The following TNIP1 variants were observed in gnomAD, a reference collection of about 807,000 sequenced individuals.
TNIP1 encodes the protein TNFAIP3-interacting protein 1.
Under a neutral mutation model 86.6 loss-of-function variants are expected in TNIP1, and 22 were observed. The ratio of observed to expected loss-of-function variants is 0.25; its 90% confidence interval spans 0.18 to 0.36. The LOEUF is 0.36. Ranked by LOEUF, TNIP1 falls within the 10% of genes least tolerant of loss-of-function variation. TNIP1 has a pLI of 1.00. For missense variants in TNIP1, 709 were observed against 820.6 expected, an observed-to-expected ratio of 0.86 and a Z score of 1.66; for synonymous variants, 294 against 313.0, an observed-to-expected ratio of 0.94 and a Z score of 0.64.
chr5:151,065,099 G>A lies in TNIP1; in HGVS notation c.-4C>T, dbSNP rs758965784. The A allele has an allele frequency of 6.2e-7, 1 of 1,612,330 alleles. No individual in the cohort carries two copies. Among genetic ancestry groups the A allele is most frequent in the Non-Finnish European group, 8.5e-7 (1 of 1,179,462 alleles). On this transcript the variant is annotated 5_prime_UTR_variant, in exon 2 of 18. Coordinates refer to ENST00000521591, the MANE Select transcript of TNIP1 (RefSeq NM_006058.5). The stretch of plus-strand genomic sequence containing the variant: ...GGTACGGTCCTCTCCCTTCCATGAG[G>A]GTAGCTCAGCCCCTGCCGTGGTGCC...
intron 17 of TNIP1, chr5:151,032,047 C>G: frequency 1.9e-6 from 1 of 530,882 alleles, no homozygotes; most frequent in South Asian, 2.5e-5. Context: ...TGCTTCTGTT[C>G]TCTAGGCATC....
At chr5:151,044,657 A>C (rs1758897982) in intron 9 of TNIP1, among the ~76,000 whole-genome samples, 1 of 152,210 alleles carries the variant, frequency 6.6e-6, no homozygotes, top group South Asian at 2.1e-4. Context: ...AGGGTTCTAG[A>C]GAAGCACCTG....
In TNIP1 at chr5:151,035,066, A is replaced by G. The variant is rs1305773500; in HGVS notation, c.1523T>C (p.Leu508Pro). ...CTTCTCCTCATCTTTGAATGCTTTT[A>G]GCTGAGAGAAGAAGGGAGGGAGAAA... The part of the protein sequence containing the change: ...QAQVTLSNAQ[L>P]KAFKDEEKAR... Residue 508 changes from leucine (L) to proline (P), a missense_variant and splice_region_variant, in exon 15 of 18, where the codon CTA becomes CCA. Transcript: ENST00000521591. 6.2e-7 allele frequency: 1 copy of G among 1,613,464 alleles called. No homozygotes were observed. The highest frequency in any genetic ancestry group is 1.1e-5 in the South Asian group (1 of 90,868).
intron 8 of TNIP1, among the ~76,000 whole-genome samples, chr5:151,048,931 T>C (rs1759534728): frequency 6.6e-6 from 1 of 152,204 alleles, no homozygotes; most frequent in African/African-American, 2.4e-5. Flanking sequence ...ATGATGTTAC[T>C]TGACCTCTCC....
Position 151,035,052 on chromosome 5 carries a change from C to A in TNIP1, c.1537G>T (p.Asp513Tyr). 1 of 1,613,958 alleles carries A rather than the reference C, an allele frequency of 6.2e-7. No individual in the cohort carries two copies. Among genetic ancestry groups the A allele is most frequent in the Non-Finnish European group, 8.5e-7 (1 of 1,179,952 alleles). Reference protein sequence around the residue: ...LSNAQLKAFKDEEKAREALRQ... With the variant: ...LSNAQLKAFKYEEKAREALRQ... ...AGGGCTTCTCTTGCCTTCTCCTCAT[C>A]TTTGAATGCTTTTAGCTGAGAGAAG... The change falls in exon 15 of 18, where the codon GAT (aspartate) becomes TAT (tyrosine). Residue 513 changes from aspartate (D) to tyrosine (Y), a missense_variant. Transcript: ENST00000521591.
At chr5:151,085,809 C>T (rs989329360), upstream of TNIP1, among the ~76,000 whole-genome samples, 1 of 152,242 alleles carries the variant, frequency 6.6e-6, no homozygotes, top group Non-Finnish European at 1.5e-5. Context: ...CCCAGCCCGG[C>T]CCAGCCTCTC....
At chr5:151,063,070 C>T (rs762842440) in intron 3 of TNIP1, among the ~76,000 whole-genome samples, 5 of 152,198 alleles carry the variant, frequency 3.3e-5, no homozygotes, top group Non-Finnish European at 5.9e-5. Flanking sequence ...ACTTCAACCC[C>T]GAGCCACAGT....
In TNIP1 at chr5:151,042,923, C is replaced by A. The variant is rs1231539829; in HGVS notation, c.975G>T (p.Arg325=). ...TCTGCTCATACTGCTGCTTCATGGA[C>A]CGGAAATGCTGGTCCCACTGCTTGT... is the stretch of plus-strand genomic sequence containing the variant. The part of the protein sequence containing the change: ...EVNKQWDQHF[R]SMKQQYEQKI... The change falls in exon 10 of 18, where the codon CGG becomes CGT. Residue 325 remains arginine (R), a synonymous_variant. Transcript: ENST00000521591. 6.2e-7 allele frequency: 1 copy of A among 1,614,180 alleles called. No homozygotes were observed. The highest frequency in any genetic ancestry group is 1.3e-5 in the African/African-American group (1 of 75,070).
rs1427165342 is a variant in TNIP1 at position 151,052,295 on chromosome 5, G to C, written c.628-36C>G. 3 of 1,585,762 alleles carry C rather than the reference G, an allele frequency of 1.9e-6. No individual in the cohort carries two copies. The African/African-American group carries it at 4.0e-5, about 21-fold the overall frequency. The stretch of plus-strand genomic sequence containing the variant: ...GGGGAACAGACAGGGTGAGGGAAAG[G>C]AGGGGCCCCTCCCAGGTGCAGGCTG... On this transcript the variant is annotated intron_variant, in intron 6 of 17. Coordinates refer to ENST00000521591, the MANE Select transcript of TNIP1 (RefSeq NM_006058.5).
chr5:151,055,065 T>C (rs1300926676), intron 6 of TNIP1, among the ~76,000 whole-genome samples: 4 of 152,162 alleles, frequency 2.6e-5, no homozygotes, highest in African/African-American at 9.7e-5. Flanking sequence ...TCACCTTCCA[T>C]CCAAGGTGCT....
At chr5:151,045,802 T>C (rs1759081144) in intron 9 of TNIP1, 59 bp downstream of exon 9, 6 of 1,568,918 alleles carry the variant, frequency 3.8e-6, no homozygotes, top group Non-Finnish European at 5.3e-6. Context: ...CAAGCCTTTG[T>C]GCTGCTGGTC....
intron 15 of TNIP1, chr5:151,034,503 G>A (rs564146397): frequency 4.6e-5 from 13 of 280,078 alleles, no homozygotes; most frequent in African/African-American, 2.0e-4. Flanking sequence ...ACATGGGCAC[G>A]GAAGGCTGGG....
At chr5:151,058,024 G>A (rs968136016) in intron 5 of TNIP1, among the ~76,000 whole-genome samples, 1 of 152,144 alleles carries the variant, frequency 6.6e-6, no homozygotes, top group African/African-American at 2.4e-5. Context: ...GGGTTCAAGC[G>A]ATTCTCCTGC....
At chr5:151,078,852 A>C (rs1763682985) in intron 1 of TNIP1, among the ~76,000 whole-genome samples, 1 of 152,202 alleles carries the variant, frequency 6.6e-6, no homozygotes, top group African/African-American at 2.4e-5. Context: ...AGTGGGTTGG[A>C]GAGAGAGGCA....
chr5:151,030,573 T>C lies in TNIP1; in HGVS notation c.*140A>G, dbSNP rs1355053778. The C allele has an allele frequency of 2.2e-6, 3 of 1,364,848 alleles. No homozygotes were observed. The highest frequency in any genetic ancestry group is 3.1e-6 in the Non-Finnish European group (3 of 977,352). The allele number at this position is 1,364,848 out of a possible 1,614,324, so 84.5% of individuals were successfully genotyped here. A position where few individuals can be genotyped will look rare whatever the true frequency, so the allele number is the denominator to read the frequency against. On this transcript the variant is annotated 3_prime_UTR_variant, in exon 18 of 18. Transcript: ENST00000521591. ...GTAAACAGCTCAGTTCAGGGACTGG[T>C]GTACAAGCTGGCCACCCATCTCAGC...
chr5:151,062,839 T>C (rs1288272787), intron 3 of TNIP1, among the ~76,000 whole-genome samples: 1 of 152,226 alleles, frequency 6.6e-6, no homozygotes, highest in African/African-American at 2.4e-5. Flanking sequence ...GACCATCACT[T>C]TCCTCCATTT....
At position 151,047,043 on chromosome 5, in the gene TNIP1, G is replaced by A. The variant is rs543590201; in HGVS notation, c.847-1093C>T. 5.9e-5 allele frequency among the ~76,000 whole-genome samples: 9 copies of A among 152,210 alleles called. No individual in the cohort carries two copies. In the East Asian group the frequency reaches 1.5e-3, roughly 26 times the overall value. ...AAGTTTAAGAAAAAATAGAGTATTTGCATAGTCTCTAAGTTTCTCCTCAAA... is the reference window on the plus strand; with the variant it reads ...AAGTTTAAGAAAAAATAGAGTATTTACATAGTCTCTAAGTTTCTCCTCAAA... On this transcript the variant is annotated intron_variant, in intron 8 of 17. Coordinates refer to ENST00000521591, the MANE Select transcript of TNIP1 (RefSeq NM_006058.5).
intron 2 of TNIP1, 27 bp downstream of exon 2, chr5:151,064,933 G>A (rs200848741): frequency 9.3e-6 from 15 of 1,613,384 alleles, no homozygotes; most frequent in South Asian, 3.3e-5. Flanking sequence ...AGGGGCGCTC[G>A]CAGGGAGGGG....
upstream of TNIP1, among the ~76,000 whole-genome samples, chr5:151,083,089 A>G (rs900194426): frequency 3.3e-5 from 5 of 152,240 alleles, no homozygotes; most frequent in South Asian, 1.0e-3. Context: ...CAATGACATG[A>G]TTTTTCTCAC....
Sources: allele counts gnomAD v4.1 joint callset (sites outside exome capture counted in the v4.1 genomes callset), GRCh38; gene constraint gnomAD v4.1.1; transcripts MANE v1.5; gene names NCBI Gene and HGNC (gene_info 2026-07-23, HGNC 2026-07-21).